ZNF695: variants seen among roughly 807,000 people sequenced by gnomAD.
The protein encoded by ZNF695 is zinc finger protein 695.
ZNF695 carries 11 observed loss-of-function variants against 11.2 expected under a neutral mutation model. The observed-to-expected ratio is 0.98, with a 90% confidence interval of 0.62 to 1.62. The LOEUF is 1.62. Ranked by LOEUF, ZNF695 falls within the 40% of genes most tolerant of loss-of-function variation. The probability of loss-of-function intolerance (pLI) is 0.00; values close to 1 mark genes in which losing one functional copy is unlikely to be tolerated. For missense variants in ZNF695, 559 were observed against 590.5 expected, an observed-to-expected ratio of 0.95 and a Z score of 0.55; for synonymous variants, 190 against 201.4, an observed-to-expected ratio of 0.94 and a Z score of 0.48.
intron 4 of ZNF695, among the ~76,000 whole-genome samples, chr1:246,979,315 G>A (rs1423523067): frequency 6.6e-6 from 1 of 152,022 alleles, no homozygotes; most frequent in African/African-American, 2.4e-5. Context: ...TGGTGACAAC[G>A]GAGGTTTGAG....
intron 5 of ZNF695, among the ~76,000 whole-genome samples, chr1:246,960,922 C>T (rs548638237): frequency 1.3e-5 from 2 of 151,764 alleles, no homozygotes; most frequent in South Asian, 4.2e-4. Flanking sequence ...AACAAACAAA[C>T]AAAAAACAAA....
At position 246,986,804 on chromosome 1, in the gene ZNF695, C is replaced by T. The variant is rs377718967; in HGVS notation, c.*163G>A. On this transcript the variant is annotated 3_prime_UTR_variant, in exon 4 of 4. Transcript: ENST00000339986. ...GTTGAACCGGTCTATTTGTATTGTT[C>T]GTAGCCTAAACATTTTAGTGCACTC... The T allele has an allele frequency of 1.2e-4, 161 of 1,399,358 alleles. No individual in the cohort carries two copies. The African/African-American group carries it at 1.7e-3, about 15-fold the overall frequency. The allele number at this position is 1,399,358 out of a possible 1,614,324, so 86.7% of individuals were successfully genotyped here.
downstream of ZNF695, among the ~76,000 whole-genome samples, chr1:246,981,955 T>C (rs1668720918): frequency 1.3e-5 from 2 of 152,066 alleles, no homozygotes; most frequent in African/African-American, 4.8e-5. Flanking sequence ...GTTCCCAAGA[T>C]TGCAAAAATA....
At chr1:246,969,524 C>T (rs1270766199) in intron 4 of ZNF695, 1 of 152,256 alleles carries the variant, frequency 6.6e-6, no homozygotes, top group Non-Finnish European at 1.5e-5. Context: ...TCTTCTGAGC[C>T]CTCCAAACTC....
chr1:246,975,578 A>C (rs1272213908), intron 4 of ZNF695, among the ~76,000 whole-genome samples: 1 of 152,224 alleles, frequency 6.6e-6, no homozygotes, highest in Admixed American at 6.5e-5. Context: ...CTTAAGTAAA[A>C]TGAAACAAGA....
At chr1:246,947,871 A>G (rs1667777767) in intron 5 of ZNF695, among the ~76,000 whole-genome samples, 1 of 152,160 alleles carries the variant, frequency 6.6e-6, no homozygotes, top group Admixed American at 6.6e-5. Context: ...AATATAATAT[A>G]CATGCTGCAA....
At chr1:246,988,334 G>T in intron 3 of ZNF695, 79 bp from the exon 4 acceptor site, 1 of 1,079,006 alleles carries the variant, frequency 9.3e-7, no homozygotes, top group Non-Finnish European at 1.3e-6. Flanking sequence ...AATTATACAA[G>T]CATATTAGCA....
At chr1:246,965,366 A>AG (rs1668262633) in intron 5 of ZNF695, among the ~76,000 whole-genome samples, 1 of 151,118 alleles carries the variant, frequency 6.6e-6, no homozygotes, top group Non-Finnish European at 1.5e-5. Flanking sequence ...CAAAAAAAAA[A>AG]AAAAAAAGAA....
intron 5 of ZNF695, among the ~76,000 whole-genome samples, chr1:246,948,416 C>T (rs930253022): frequency 5.3e-5 from 8 of 152,090 alleles, no homozygotes; most frequent in Non-Finnish European, 1.0e-4. Context: ...AAGTGTGGAT[C>T]CCAAACTGTC....
intron 3 of ZNF695, among the ~76,000 whole-genome samples, chr1:246,995,230 T>C (rs1165495635): frequency 6.6e-6 from 1 of 152,212 alleles, no homozygotes; most frequent in Non-Finnish European, 1.5e-5. Context: ...TTATTATTTA[T>C]GACCAAAATG....
At chr1:247,006,449 A>G (rs1669543602) in intron 1 of ZNF695, among the ~76,000 whole-genome samples, 2 of 152,002 alleles carry the variant, frequency 1.3e-5, no homozygotes, top group Admixed American at 6.6e-5. Flanking sequence ...CATCTCTACT[A>G]AAAATACAAA....
At chr1:246,953,755 A>G (rs975494105) in intron 5 of ZNF695, among the ~76,000 whole-genome samples, 3 of 151,440 alleles carry the variant, frequency 2.0e-5, no homozygotes, top group Middle Eastern at 3.4e-3. Context: ...AAAATACAAA[A>G]TTACTACTAA....
intron 1 of ZNF695, among the ~76,000 whole-genome samples, chr1:247,004,297 C>A (rs1282306832): frequency 6.6e-6 from 1 of 152,056 alleles, no homozygotes; most frequent in Non-Finnish European, 1.5e-5. Flanking sequence ...ATATGTAAAT[C>A]AACCCATGTA....
chr1:247,007,494 CAAAA>C (rs34758795), intron 1 of ZNF695, among the ~76,000 whole-genome samples: 1 of 79,446 alleles, frequency 1.3e-5, no homozygotes, highest in African/African-American at 5.5e-5. Context: ...GACTCCGTCT[CAAAA>C]AAAAAAAAAA....
intron 4 of ZNF695, among the ~76,000 whole-genome samples, chr1:246,978,719 G>A (rs758838436): frequency 1.2e-4 from 18 of 152,312 alleles, no homozygotes; most frequent in African/African-American, 2.9e-4. Flanking sequence ...GCTGCTGCAC[G>A]TAGAATGGAC....
At chr1:246,948,435 G>A (rs1351971452) in intron 5 of ZNF695, among the ~76,000 whole-genome samples, 7 of 151,896 alleles carry the variant, frequency 4.6e-5, no homozygotes, top group African/African-American at 1.7e-4. Flanking sequence ...TCTGTACGAG[G>A]CTGCGAGGAG....
At position 246,978,888 on chromosome 1, in the gene ZNF695, T is replaced by C. The variant is rs375348150; in HGVS notation, c.390+9237A>G. ...GAACTTCTCTGGCTGCCCAGTATGATGATGTTCTCCAGTGAAGACAGTGGC... is the reference window on the plus strand; with the variant it reads ...GAACTTCTCTGGCTGCCCAGTATGACGATGTTCTCCAGTGAAGACAGTGGC... On this transcript the variant is annotated intron_variant, in intron 4 of 5. Transcript: ENST00000487338. Among the ~76,000 whole-genome samples the C allele has an allele frequency of 3.2e-4, 49 of 152,326 alleles. 1 individual carries two copies. In the South Asian group the frequency reaches 9.5e-3, roughly 30 times the overall value.
chr1:246,962,774 G>A (rs1668193646), intron 5 of ZNF695, among the ~76,000 whole-genome samples: 1 of 151,250 alleles, frequency 6.6e-6, no homozygotes, highest in South Asian at 2.1e-4. Context: ...CTCACTGCAA[G>A]CTCCACCTCC....
chr1:247,004,190 G>T (rs1023123281), intron 1 of ZNF695, among the ~76,000 whole-genome samples: 5 of 152,138 alleles, frequency 3.3e-5, no homozygotes, highest in Non-Finnish European at 5.9e-5. Context: ...CAGCCTGGGC[G>T]AGAGAGCGAG....
Sources: gnomAD v4.1 joint callset for allele counts (sites outside exome capture counted in the v4.1 genomes callset) on GRCh38, gnomAD v4.1.1 for gene constraint, MANE v1.5 for transcripts, NCBI Gene and HGNC (gene_info 2026-07-23, HGNC 2026-07-21) for gene names.